TRPM7: variants seen among roughly 807,000 people sequenced by gnomAD.
TRPM7 encodes LTRPC ion channel family member 7.
Under a neutral mutation model 229.7 loss-of-function variants are expected in TRPM7, and 134 were observed. That is an observed-to-expected ratio of 0.58 (90% confidence interval 0.51 to 0.67). TRPM7 has a LOEUF of 0.67. TRPM7 is among the 30% of genes least tolerant of loss of function. The probability of loss-of-function intolerance (pLI) is 0.00; values close to 1 mark genes in which losing one functional copy is unlikely to be tolerated. For synonymous variants in TRPM7, 699 were observed against 715.2 expected (o/e 0.98, Z 0.36); for missense variants, 1,901 against 2,210.0 (o/e 0.86, Z 2.80).
rs571542742 is a variant in TRPM7 at position 50,664,246 on chromosome 15, G to C, written c.4-1200C>G. On this transcript the variant is annotated intron_variant, in intron 1 of 38. Coordinates refer to ENST00000646667, the MANE Select transcript of TRPM7 (RefSeq NM_017672.6). ...CAGGGAGTGAACCAGGGAGTCGGAG[G>C]TTGCAGTGAGCCGAGATCGCGCCAC... Among the ~76,000 whole-genome samples, 7 of 148,396 alleles carry C rather than the reference G, an allele frequency of 4.7e-5. No individual in the cohort carries two copies. In the East Asian group the frequency reaches 1.4e-3, roughly 30 times the overall value.
chr15:50,626,049 G>T (rs761159584), intron 11 of TRPM7, among the ~76,000 whole-genome samples: 1 of 152,034 alleles, frequency 6.6e-6, no homozygotes, highest in Non-Finnish European at 1.5e-5. Context: ...CTTGCAAAGG[G>T]TGTTTATCTG....
chr15:50,619,693 A>G (rs2060333927), intron 13 of TRPM7, 52 bp downstream of exon 13: 1 of 1,366,818 alleles, frequency 7.3e-7, no homozygotes, highest in African/African-American at 1.5e-5. Flanking sequence ...AACATGAAAT[A>G]TAAATGATTT....
chr15:50,666,704 A>C (rs2061891551), intron 1 of TRPM7, among the ~76,000 whole-genome samples: 1 of 152,088 alleles, frequency 6.6e-6, no homozygotes, highest in African/African-American at 2.4e-5. Context: ...TGGAAGGCTG[A>C]GGCAGGAGAA....
chr15:50,584,456 C>G (rs2054586647), intron 28 of TRPM7, among the ~76,000 whole-genome samples: 2 of 151,472 alleles, frequency 1.3e-5, no homozygotes, highest in South Asian at 4.2e-4. Context: ...TCTGGGAATA[C>G]AGAGTGAGAA....
chr15:50,625,693 A>G (rs1328670006), intron 11 of TRPM7, among the ~76,000 whole-genome samples: 1 of 152,050 alleles, frequency 6.6e-6, no homozygotes, highest in Non-Finnish European at 1.5e-5. Flanking sequence ...GAGCCACCAC[A>G]CCCAGTCCTA....
rs770046699 is a variant in TRPM7 at position 50,557,930 on chromosome 15, C to T, written c.*3748G>A. ...AAGTGATGGAATTACAGGCGTGAGC[C>T]ACTGCACCTGGCCGAGAATTCCACA... On this transcript the variant is annotated 3_prime_UTR_variant, in exon 39 of 39. Coordinates refer to ENST00000646667, the MANE Select transcript of TRPM7 (RefSeq NM_017672.6). 1 of 152,226 alleles carries T rather than the reference C, an allele frequency of 6.6e-6. No homozygotes were observed. The highest frequency in any genetic ancestry group is 1.5e-5 in the Non-Finnish European group (1 of 68,056). The allele number at this position is 152,226 out of a possible 1,614,324, so 9.4% of individuals were successfully genotyped here.
chr15:50,603,922 A>G (rs1322984613), intron 21 of TRPM7: 2 of 152,228 alleles, frequency 1.3e-5, no homozygotes, highest in Admixed American at 6.5e-5. Context: ...ATGTGTTCAT[A>G]CACATCTTGA....
intron 1 of TRPM7, among the ~76,000 whole-genome samples, chr15:50,667,427 C>A (rs1278004426): frequency 6.6e-6 from 1 of 152,150 alleles, no homozygotes. Flanking sequence ...AGCTGCTGGC[C>A]GGGCACAGTG....
chr15:50,657,924 G>C, intron 2 of TRPM7, 105 bp from the exon 3 acceptor site: 1 of 774,216 alleles, frequency 1.3e-6, no homozygotes, highest in South Asian at 2.0e-5. Context: ...TATATACCTA[G>C]TTTAATTTTT....
chr15:50,579,193 T>C (rs2054281284), intron 30 of TRPM7, among the ~76,000 whole-genome samples: 1 of 152,196 alleles, frequency 6.6e-6, no homozygotes, highest in African/African-American at 2.4e-5. Context: ...GTTCTTTTAC[T>C]TCCAAGGATT....
intron 6 of TRPM7, among the ~76,000 whole-genome samples, chr15:50,638,377 A>G (rs2060980166): frequency 7.4e-6 from 1 of 135,666 alleles, no homozygotes; most frequent in Non-Finnish European, 1.6e-5. Flanking sequence ...AAAAAAAAAA[A>G]AAAAAAAAAA....
chr15:50,667,853 G>A (rs2061918769), intron 1 of TRPM7, among the ~76,000 whole-genome samples: 1 of 152,196 alleles, frequency 6.6e-6, no homozygotes, highest in African/African-American at 2.4e-5. Context: ...AAATCATACA[G>A]GAAGCATTGC....
intron 38 of TRPM7, among the ~76,000 whole-genome samples, chr15:50,565,224 T>C (rs756973282): frequency 1.3e-5 from 2 of 152,062 alleles, no homozygotes; most frequent in Non-Finnish European, 2.9e-5. Context: ...TCAAATGATC[T>C]GCCCTCCTTA....
chr15:50,570,099 A>T lies in TRPM7; in HGVS notation c.5360+5T>A. On this transcript the variant is annotated splice_donor_5th_base_variant and intron_variant, in intron 37 of 38. Coordinates refer to ENST00000646667, the MANE Select transcript of TRPM7 (RefSeq NM_017672.6). ...TGCCTTAATGAAATAGTTAAAACTT[A>T]TTACCTCTTTTCTTCTGCTTTTATC... 6.2e-7 allele frequency: 1 copy of T among 1,610,228 alleles called. No homozygotes were observed. Among genetic ancestry groups the T allele is most frequent in the Non-Finnish European group, 8.5e-7 (1 of 1,178,160 alleles).
At position 50,589,319 on chromosome 15, in the gene TRPM7, C is replaced by CAAAAAA. The variant is rs34653276; in HGVS notation, c.4389+267_4389+272dup. 4.9e-5 allele frequency among the ~76,000 whole-genome samples: 4 copies of CAAAAAA among 81,548 alleles called. 1 individual carries two copies. Among genetic ancestry groups the CAAAAAA allele is most frequent in the East Asian group, 4.0e-4 (1 of 2,502 alleles). 53.5% of individuals were successfully genotyped at this position (81,548 alleles called of 152,430 possible). On this transcript the variant is annotated intron_variant, in intron 27 of 38. Transcript: ENST00000646667. ...CCCAGGTGACAGCGAGACTCCGTCT[C>CAAAAAA]AAAAAAAAAAAAAAAAAAAAAAGAG...
intron 21 of TRPM7, among the ~76,000 whole-genome samples, chr15:50,600,967 G>A (rs2059765713): frequency 6.6e-6 from 1 of 152,162 alleles, no homozygotes; most frequent in African/African-American, 2.4e-5. Context: ...GACAAATAAT[G>A]CCTTCATTGA....
At chr15:50,645,850 C>A (rs919853248) in intron 4 of TRPM7, among the ~76,000 whole-genome samples, 2 of 152,054 alleles carry the variant, frequency 1.3e-5, no homozygotes, top group East Asian at 3.9e-4. Context: ...AACAATAACA[C>A]CTGCTTGAAT....
chr15:50,596,425 A>G, intron 22 of TRPM7, 44 bp from the exon 23 acceptor site: 3 of 1,443,418 alleles, frequency 2.1e-6, no homozygotes, highest in Non-Finnish European at 2.8e-6. Flanking sequence ...ACTTAAAAAT[A>G]GTAATTCATC....
Position 50,648,674 on chromosome 15 carries a change from A to G in TRPM7, c.321+13T>C, listed in dbSNP as rs577449986. On this transcript the variant is annotated intron_variant, in intron 4 of 38. Transcript: ENST00000646667. ...AACAACATAAATGAAGAAAAATCCA[A>G]TATGTGACATACCTTAGCTCTGTAG... 5.7e-6 allele frequency: 9 copies of G among 1,571,552 alleles called. No homozygotes were observed. Among genetic ancestry groups the G allele is most frequent in the Middle Eastern group, 1.7e-4 (1 of 5,908 alleles).
Sources: gnomAD v4.1 joint callset for allele counts (sites outside exome capture counted in the v4.1 genomes callset) on GRCh38, gnomAD v4.1.1 for gene constraint, MANE v1.5 for transcripts, NCBI Gene and HGNC (gene_info 2026-07-23, HGNC 2026-07-21) for gene names.